Variants in CYB5R4 observed in about 807,000 individuals in gnomAD.
CYB5R4 encodes the protein N-terminal cytochrome b5 and cytochrome b5 oxidoreductase domain-containing protein.
Under a neutral mutation model 70.2 loss-of-function variants are expected in CYB5R4, and 55 were observed. The observed-to-expected ratio is 0.78, with a 90% CI of 0.63 to 0.98. The LOEUF (loss-of-function observed/expected upper bound fraction) is 0.98. Among genes scored for constraint, CYB5R4 ranks in the 50% least tolerant of loss-of-function variants. The pLI is 0.00. For missense variants in CYB5R4, 562 were observed against 612.6 expected (o/e 0.92, Z 0.87); for synonymous variants, 197 against 199.5 (o/e 0.99, Z 0.11).
Position 83,960,364 on chromosome 6 carries a change from A to AT in CYB5R4, c.*493dup, listed in dbSNP as rs374121383. ...TTATAACTTATTAAGTGATCCAAAC[A>AT]TTTTTTTGTGTGTGTATGGCATTGA... is the stretch of plus-strand genomic sequence containing the variant. On this transcript the variant is annotated 3_prime_UTR_variant, in exon 16 of 16. Coordinates refer to ENST00000369681, the MANE Select transcript of CYB5R4 (RefSeq NM_016230.4). 1.3e-5 allele frequency: 2 copies of AT among 150,228 alleles called. No homozygotes were observed. The highest frequency in any genetic ancestry group is 2.1e-4 in the South Asian group (1 of 4,836). 9.3% of individuals were successfully genotyped at this position (150,228 alleles called of 1,614,324 possible). A position where few individuals can be genotyped will look rare whatever the true frequency, so the allele number is the denominator to read the frequency against.
chr6:83,937,521 T>A (rs912768683), intron 12 of CYB5R4, among the ~76,000 whole-genome samples: 4 of 152,136 alleles, frequency 2.6e-5, no homozygotes, highest in Admixed American at 6.5e-5. Context: ...TGTGCTTTGT[T>A]TTTTTGTTTG....
chr6:83,924,495 A>G lies in CYB5R4; in HGVS notation c.717A>G (p.Lys239=), dbSNP rs199739174. ...FSVRVVESVG[K]IEIVLQKKEN... ...TGCGGGTTGTTGAGAGTGTGGGAAAAATAGAGATTGTTCTACAAAAAAAAG... is the reference window on the plus strand; with the variant it reads ...TGCGGGTTGTTGAGAGTGTGGGAAAGATAGAGATTGTTCTACAAAAAAAAG... Residue 239 remains lysine (K), a synonymous_variant, in exon 10 of 16, where the codon AAA becomes AAG. Transcript: ENST00000369681. 1 of 1,613,766 alleles carries G rather than the reference A, an allele frequency of 6.2e-7. No individual in the cohort carries two copies. Among genetic ancestry groups the G allele is most frequent in the African/African-American group, 1.3e-5 (1 of 75,024 alleles).
chr6:83,860,657 A>C (rs2099455787), intron 1 of CYB5R4, among the ~76,000 whole-genome samples: 1 of 152,168 alleles, frequency 6.6e-6, no homozygotes, highest in South Asian at 2.1e-4. Flanking sequence ...CTTCCACTTA[A>C]CTTGGGCCAC....
rs1477647045 is a variant in CYB5R4, at chr6:83,914,449, G to T, written c.445+1G>T. 1 of 1,518,754 alleles carries T rather than the reference G, an allele frequency of 6.6e-7. No homozygotes were observed. The highest frequency in any genetic ancestry group is 1.2e-5 in the South Asian group (1 of 84,996). 94.1% of individuals were successfully genotyped at this position (1,518,754 alleles called of 1,614,324 possible). A position where few individuals can be genotyped will look rare whatever the true frequency, so the allele number is the denominator to read the frequency against. The stretch of plus-strand genomic sequence containing the variant: ...GAGGAGGAAAAGAAAGTCTTAAATG[G>T]TAAGTCTATAAATTTATAATAAATG... On this transcript the variant is annotated splice_donor_variant, in intron 5 of 15. Coordinates refer to ENST00000369681, the MANE Select transcript of CYB5R4 (RefSeq NM_016230.4). LOFTEE classifies it high-confidence loss of function.
At chr6:83,917,650 C>G (rs1268902008) in intron 5 of CYB5R4, among the ~76,000 whole-genome samples, 1 of 152,056 alleles carries the variant, frequency 6.6e-6, no homozygotes, top group Non-Finnish European at 1.5e-5. Flanking sequence ...ACTGTAATGT[C>G]TAGAATATTG....
At chr6:83,890,591 G>A (rs2099460983) in intron 2 of CYB5R4, among the ~76,000 whole-genome samples, 2 of 152,208 alleles carry the variant, frequency 1.3e-5, no homozygotes, top group South Asian at 4.1e-4. Flanking sequence ...CAGGGTTTGA[G>A]AGGATTGACA....
At chr6:83,880,485 C>G (rs1039994712) in intron 2 of CYB5R4, among the ~76,000 whole-genome samples, 3 of 151,878 alleles carry the variant, frequency 2.0e-5, no homozygotes, top group Non-Finnish European at 4.4e-5. Flanking sequence ...GGCAGGGAAA[C>G]TGATTTTTTT....
intron 10 of CYB5R4, among the ~76,000 whole-genome samples, chr6:83,931,592 T>C (rs1255683992): frequency 6.6e-6 from 1 of 152,132 alleles, no homozygotes; most frequent in African/African-American, 2.4e-5. Context: ...ATTAATTGTA[T>C]GTATTTAATT....
chr6:83,879,115 G>T (rs1466446206), intron 2 of CYB5R4, among the ~76,000 whole-genome samples: 2 of 151,930 alleles, frequency 1.3e-5, no homozygotes, highest in Non-Finnish European at 2.9e-5. Flanking sequence ...AGCCCCAGGG[G>T]CTGAGCTTTC....
intron 7 of CYB5R4, among the ~76,000 whole-genome samples, chr6:83,919,919 C>G (rs972195208): frequency 6.6e-6 from 1 of 151,954 alleles, no homozygotes; most frequent in African/African-American, 2.4e-5. Flanking sequence ...TATGTTTAAA[C>G]CACTAATGGT....
At chr6:83,920,485 A>G (rs2099466191) in intron 7 of CYB5R4, among the ~76,000 whole-genome samples, 1 of 152,160 alleles carries the variant, frequency 6.6e-6, no homozygotes, top group Non-Finnish European at 1.5e-5. Context: ...TATCAATGGA[A>G]CACAGAGGAT....
chr6:83,951,956 A>G (rs2099471604), intron 14 of CYB5R4, among the ~76,000 whole-genome samples: 1 of 151,944 alleles, frequency 6.6e-6, no homozygotes, highest in Non-Finnish European at 1.5e-5. Context: ...TTACATTTTG[A>G]CAAATGCCTC....
chr6:83,934,410 A>G (rs978790040), intron 10 of CYB5R4, among the ~76,000 whole-genome samples, 185 bp from the exon 11 acceptor site: 1 of 152,174 alleles, frequency 6.6e-6, no homozygotes, highest in Non-Finnish European at 1.5e-5. Context: ...TGGTCAACAC[A>G]TATCTCAGGA....
chr6:83,894,899 T>C (rs2099461619), intron 3 of CYB5R4, among the ~76,000 whole-genome samples: 1 of 152,106 alleles, frequency 6.6e-6, no homozygotes, highest in Non-Finnish European at 1.5e-5. Context: ...TCTTGAAGTG[T>C]CAAAGGTAGA....
At chr6:83,936,189 GA>G in intron 11 of CYB5R4, 34 bp from the exon 12 acceptor site, 1 of 1,473,242 alleles carries the variant, frequency 6.8e-7, no homozygotes, top group Non-Finnish European at 9.1e-7. Flanking sequence ...TGGATTTTTA[GA>G]ATTTAATTAT....
rs918769270 is a variant in CYB5R4, at chr6:83,902,279, C to T, written c.331-6730C>T. ...CAGCACCATTTATTGAAGAAGGTGT[C>T]CTTTCCTCATTGTATATTCTTGACG... is the stretch of plus-strand genomic sequence containing the variant. On this transcript the variant is annotated intron_variant, in intron 3 of 15. Transcript: ENST00000369681. 5.9e-5 allele frequency among the ~76,000 whole-genome samples: 9 copies of T among 152,216 alleles called. 1 individual carries two copies. The highest frequency in any genetic ancestry group is 2.2e-4 in the African/African-American group (9 of 41,550).
At chr6:83,878,033 A>G (rs2099458846) in intron 2 of CYB5R4, among the ~76,000 whole-genome samples, 1 of 152,146 alleles carries the variant, frequency 6.6e-6, no homozygotes, top group Non-Finnish European at 1.5e-5. Flanking sequence ...TTATGTTTGA[A>G]TAATTTTTAT....
rs61762802 is a variant in CYB5R4 at position 83,890,161 on chromosome 6, A to T, written c.230-3361A>T. ...AAGGCTATGACTGCTGTAGATAGTG[A>T]TTCCTCTGATGGATCTGGGAAAAGT... On this transcript the variant is annotated intron_variant, in intron 2 of 15. Coordinates refer to ENST00000369681, the MANE Select transcript of CYB5R4 (RefSeq NM_016230.4). Among the ~76,000 whole-genome samples, 195 of 152,344 alleles carry T rather than the reference A, an allele frequency of 1.3e-3. 1 individual carries two copies. Among genetic ancestry groups the T allele is most frequent in the African/African-American group, 4.4e-3 (181 of 41,584 alleles).
chr6:83,949,397 TA>T (rs1272567339), intron 14 of CYB5R4, among the ~76,000 whole-genome samples: 3 of 152,162 alleles, frequency 2.0e-5, no homozygotes, highest in Non-Finnish European at 4.4e-5. Context: ...AGTTAGCATT[TA>T]AGGATCTTCA....
Sources: gnomAD v4.1 joint callset for allele counts (sites outside exome capture counted in the v4.1 genomes callset) on GRCh38, gnomAD v4.1.1 for gene constraint, MANE v1.5 for transcripts, NCBI Gene and HGNC (gene_info 2026-07-23, HGNC 2026-07-21) for gene names.